ARMC2: variants seen among roughly 807,000 people sequenced by gnomAD.
ARMC2 encodes armadillo repeat containing 2, also known as armadillo repeat-containing protein 2.
A neutral mutation model predicts 90.3 loss-of-function variants in ARMC2; 67 were observed. That is an observed-to-expected ratio of 0.74 (90% CI 0.61 to 0.91). The LOEUF is 0.91. ARMC2 is among the 40% of genes least tolerant of loss of function. The probability of loss-of-function intolerance (pLI) is 0.00; values close to 1 mark genes in which losing one functional copy is unlikely to be tolerated. For synonymous variants in ARMC2, 393 were observed against 393.0 expected, an observed-to-expected ratio of 1.00 and a Z score of 0.00; for missense variants, 920 against 1,030.9, an observed-to-expected ratio of 0.89 and a Z score of 1.47.
At chr6:109,012,848 C>T in the ARMC2 span, among the ~76,000 whole-genome samples, 1 of 152,038 alleles carries the variant, frequency 6.6e-6, no homozygotes, top group Non-Finnish European at 1.5e-5. Context: ...GGCGTGGTGG[C>T]TTACGCCTGT....
At chr6:108,951,376 A>G (rs1452620595) in intron 12 of ARMC2, among the ~76,000 whole-genome samples, 1 of 152,174 alleles carries the variant, frequency 6.6e-6, no homozygotes, top group African/African-American at 2.4e-5. Flanking sequence ...CCCGGGGTGG[A>G]GTCAGGAGCA....
At chr6:108,849,445 G>A (rs192929855) in intron 1 of ARMC2, among the ~76,000 whole-genome samples, 27 of 152,132 alleles carry the variant, frequency 1.8e-4, no homozygotes, top group Non-Finnish European at 2.4e-4. Context: ...CGAGTTGATG[G>A]GTGCAGCAAA....
At chr6:108,915,566 AC>A (rs2128475175) in intron 10 of ARMC2, among the ~76,000 whole-genome samples, 1 of 152,274 alleles carries the variant, frequency 6.6e-6, no homozygotes. Flanking sequence ...AGAGTGGAAA[AC>A]ATCTTCCAAA....
intron 3 of ARMC2, among the ~76,000 whole-genome samples, chr6:108,862,141 C>T (rs1165353020): frequency 6.6e-6 from 1 of 151,876 alleles, no homozygotes; most frequent in African/African-American, 2.4e-5. Flanking sequence ...ATCATGAGTT[C>T]GAGACCAGCC....
intron 8 of ARMC2, chr6:108,907,672 C>T: frequency 1.2e-6 from 2 of 1,604,552 alleles, no homozygotes; most frequent in African/African-American, 1.3e-5. Flanking sequence ...AGCTGAAGAG[C>T]ACGTAGCATG....
chr6:109,014,733 T>C, the ARMC2 span, among the ~76,000 whole-genome samples: 1 of 152,192 alleles, frequency 6.6e-6, no homozygotes, highest in Non-Finnish European at 1.5e-5. Context: ...AGTGTCTCTT[T>C]CTGGGCCTTT....
the ARMC2 span, among the ~76,000 whole-genome samples, chr6:109,046,637 G>A: frequency 5.7e-5 from 8 of 140,220 alleles, 1 homozygote; most frequent in Non-Finnish European, 9.5e-5. Flanking sequence ...TAGGAAGTGA[G>A]GAGCGCCTCT....
rs544379021 is a variant in ARMC2, at chr6:108,882,246, C to T, written c.671+5896C>T. ...GGTCAGGAGATCAAGACCATCCTGG[C>T]TAACATGGTGAAACCCTGTCTCTAC... On this transcript the variant is annotated intron_variant, in intron 5 of 17. Coordinates refer to ENST00000392644, the MANE Select transcript of ARMC2 (RefSeq NM_032131.6). Among the ~76,000 whole-genome samples the T allele has an allele frequency of 4.2e-3, 635 of 151,966 alleles. 3 individuals carry two copies. The highest frequency in any genetic ancestry group is 0.014 in the African/African-American group (596 of 41,468).
chr6:108,861,962 T>C (rs1012893412), intron 3 of ARMC2, among the ~76,000 whole-genome samples: 1 of 152,170 alleles, frequency 6.6e-6, no homozygotes, highest in Non-Finnish European at 1.5e-5. Context: ...GAATTAGCTA[T>C]TGGGCTAAGA....
chr6:108,945,435 T>C (rs762202155), intron 12 of ARMC2, among the ~76,000 whole-genome samples: 7 of 152,194 alleles, frequency 4.6e-5, no homozygotes, highest in Non-Finnish European at 7.3e-5. Flanking sequence ...AAGAACAACC[T>C]TTGTCTACAT....
intron 10 of ARMC2, among the ~76,000 whole-genome samples, chr6:108,921,625 C>T (rs1774580173): frequency 6.6e-6 from 1 of 152,202 alleles, no homozygotes. Flanking sequence ...TGGGTTACCA[C>T]ACAGGCTCTG....
At chr6:109,047,723 G>A in the ARMC2 span, among the ~76,000 whole-genome samples, 2 of 145,232 alleles carry the variant, frequency 1.4e-5, 1 homozygote, top group Non-Finnish European at 3.1e-5. Context: ...AGTAGACATG[G>A]GAGACTTTTC....
In ARMC2 at chr6:108,900,120, C is replaced by T. The variant is rs1251152689; in HGVS notation, c.847+328C>T. Among the ~76,000 whole-genome samples the T allele has an allele frequency of 3.3e-5, 5 of 152,278 alleles. No homozygotes were observed. The East Asian group carries it at 7.7e-4, about 24-fold the overall frequency. On this transcript the variant is annotated intron_variant, in intron 7 of 17. Coordinates refer to ENST00000392644, the MANE Select transcript of ARMC2 (RefSeq NM_032131.6). ...CCTCTCTCAGGTGGCTCTTCATACTCAAGAAAGTAAAAGATTAAAACAGAT... is the reference window on the plus strand; with the variant it reads ...CCTCTCTCAGGTGGCTCTTCATACTTAAGAAAGTAAAAGATTAAAACAGAT...
At chr6:109,027,915 T>G in the ARMC2 span, among the ~76,000 whole-genome samples, 3 of 152,222 alleles carry the variant, frequency 2.0e-5, no homozygotes, top group African/African-American at 4.8e-5. Flanking sequence ...CATTTTTTAT[T>G]GGGTTGGTTA....
the ARMC2 span, among the ~76,000 whole-genome samples, chr6:109,026,985 C>T: frequency 3.9e-5 from 6 of 152,060 alleles, no homozygotes; most frequent in Non-Finnish European, 8.8e-5. Flanking sequence ...GCCTGGCCAA[C>T]ACAGTGAAAC....
chr6:108,862,359 C>CA (rs796750309), intron 3 of ARMC2, among the ~76,000 whole-genome samples: 5 of 63,244 alleles, frequency 7.9e-5, no homozygotes, highest in East Asian at 4.7e-4. Flanking sequence ...AAAAAAAAAA[C>CA]AAAAAAAACA....
chr6:108,936,783 T>A, intron 11 of ARMC2, 117 bp from the exon 12 acceptor site: 2 of 810,054 alleles, frequency 2.5e-6, no homozygotes, highest in South Asian at 3.4e-5. Flanking sequence ...ATTTTTAGAC[T>A]CCTTTTCTTG....
At chr6:108,940,022 C>T (rs1206098836) in intron 12 of ARMC2, among the ~76,000 whole-genome samples, 2 of 152,202 alleles carry the variant, frequency 1.3e-5, no homozygotes, top group African/African-American at 4.8e-5. Flanking sequence ...TGTAGATTTT[C>T]TCTCTCTTCT....
In ARMC2 at chr6:108,912,537, T is replaced by G; in HGVS notation, c.1329T>G (p.Asn443Lys). 6.2e-7 allele frequency: 1 copy of G among 1,613,512 alleles called. No homozygotes were observed. The highest frequency in any genetic ancestry group is 8.5e-7 in the Non-Finnish European group (1 of 1,179,544). The change falls in exon 10 of 18, where the codon AAT (asparagine) becomes AAG (lysine). Residue 443 changes from asparagine to lysine, a missense_variant. Physicochemically the swap from Asn to Lys is moderately conservative, Grantham distance 94. Coordinates refer to ENST00000392644, the MANE Select transcript of ARMC2 (RefSeq NM_032131.6). ...NIKKCGTFLPNSGHLLVQVTA... is the reference protein window; with the variant it reads ...NIKKCGTFLPKSGHLLVQVTA... ...AGAAATGTGGTACATTTTTGCCTAATTCGGGCCACTTGCTAGTCCAGGTAA... is the reference window on the plus strand; with the variant it reads ...AGAAATGTGGTACATTTTTGCCTAAGTCGGGCCACTTGCTAGTCCAGGTAA...
Sources: allele counts gnomAD v4.1 joint callset (sites outside exome capture counted in the v4.1 genomes callset), GRCh38; gene constraint gnomAD v4.1.1; transcripts MANE v1.5; gene names NCBI Gene and HGNC (gene_info 2026-07-23, HGNC 2026-07-21).